Variants in TBC1D1 observed in about 807,000 individuals in gnomAD.
TBC1D1 encodes TBC1 (tre-2/USP6, BUB2, cdc16) domain family, member 1.
In TBC1D1, 89 loss-of-function variants were observed where a neutral mutation model predicts 125.6. The ratio of observed to expected loss-of-function variants is 0.71; its 90% CI spans 0.60 to 0.85. The LOEUF is 0.85. Ranked by LOEUF, TBC1D1 falls within the 40% of genes least tolerant of loss-of-function variation. The probability of loss-of-function intolerance (pLI) is 0.00; values close to 1 mark genes in which losing one functional copy is unlikely to be tolerated. For synonymous variants in TBC1D1, 565 were observed against 564.1 expected (o/e 1.00, Z -0.02); for missense variants, 1,377 against 1,469.2 (o/e 0.94, Z 1.03).
chr4:38,109,189 C>T (rs999061350), intron 15 of TBC1D1, among the ~76,000 whole-genome samples: 1 of 152,174 alleles, frequency 6.6e-6, no homozygotes, highest in African/African-American at 2.4e-5. Flanking sequence ...CAGTTGGGGA[C>T]GTTGCTGTAT....
chr4:38,133,070 T>C lies in TBC1D1; in HGVS notation c.3133-14T>C. The C allele has an allele frequency of 6.2e-7, 1 of 1,602,388 alleles. No homozygotes were observed. Among genetic ancestry groups the C allele is most frequent in the South Asian group, 1.1e-5 (1 of 89,058 alleles). On this transcript the variant is annotated splice_polypyrimidine_tract_variant and intron_variant, in intron 18 of 19. Coordinates refer to ENST00000261439, the MANE Select transcript of TBC1D1 (RefSeq NM_015173.4). ...CTCAGTTTTAGTACGTGATGACTTT[T>C]CTTTCTATAACAGGTATTTGAAATG...
At chr4:37,942,693 C>G (rs1238136668) in intron 2 of TBC1D1, among the ~76,000 whole-genome samples, 1 of 152,098 alleles carries the variant, frequency 6.6e-6, no homozygotes, top group Non-Finnish European at 1.5e-5. Context: ...TGCCCACCAC[C>G]ACGCCTGGCT....
intron 2 of TBC1D1, among the ~76,000 whole-genome samples, chr4:37,956,943 G>GA (rs33943418): frequency 0.012 from 1,689 of 140,180 alleles, 21 homozygotes; most frequent in Non-Finnish European, 0.018. Context: ...CGTCTCAAAA[G>GA]AAAAAAAAAA....
At chr4:38,053,665 A>T (rs1479627630) in intron 11 of TBC1D1, among the ~76,000 whole-genome samples, 1 of 152,228 alleles carries the variant, frequency 6.6e-6, no homozygotes. Flanking sequence ...TATATTGATA[A>T]CTGTATTTTG....
intron 2 of TBC1D1, among the ~76,000 whole-genome samples, chr4:37,941,711 C>T (rs1017736850): frequency 2.6e-5 from 4 of 152,084 alleles, no homozygotes; most frequent in Non-Finnish European, 5.9e-5. Flanking sequence ...CCCAGAGATT[C>T]TGGTATGTTG....
intron 2 of TBC1D1, among the ~76,000 whole-genome samples, chr4:37,926,607 A>T (rs879940728): frequency 2.6e-5 from 4 of 152,142 alleles, no homozygotes; most frequent in Admixed American, 6.5e-5. Flanking sequence ...CTTCTAGGTG[A>T]GCCCTGGTGA....
chr4:38,074,610 C>T (rs1755248935), intron 12 of TBC1D1, among the ~76,000 whole-genome samples: 1 of 152,168 alleles, frequency 6.6e-6, no homozygotes, highest in Non-Finnish European at 1.5e-5. Context: ...ATCAAAGCAG[C>T]CGACTTCTCC....
intron 2 of TBC1D1, among the ~76,000 whole-genome samples, chr4:37,955,551 T>C (rs1342132335): frequency 2.0e-5 from 3 of 152,202 alleles, no homozygotes; most frequent in Non-Finnish European, 4.4e-5. Context: ...GGAATAGTTA[T>C]AAGAAAAAAT....
At chr4:38,057,126 C>T (rs1751864605) in intron 12 of TBC1D1, among the ~76,000 whole-genome samples, 1 of 152,248 alleles carries the variant, frequency 6.6e-6, no homozygotes, top group East Asian at 1.9e-4. Flanking sequence ...CACCCAATCT[C>T]CTGCAGGAAG....
At chr4:37,933,448 AC>A (rs1560496411) in intron 2 of TBC1D1, among the ~76,000 whole-genome samples, 6 of 151,442 alleles carry the variant, frequency 4.0e-5, no homozygotes, top group African/African-American at 1.5e-4. Context: ...ACACACACAC[AC>A]ACACACACAC....
intron 12 of TBC1D1, among the ~76,000 whole-genome samples, chr4:38,078,538 A>G (rs1207104478): frequency 2.0e-5 from 3 of 152,210 alleles, no homozygotes; most frequent in Non-Finnish European, 4.4e-5. Context: ...GATTAAGTTT[A>G]GATGAGATTG....
At chr4:38,066,986 C>T (rs2152504739) in intron 12 of TBC1D1, among the ~76,000 whole-genome samples, 1 of 152,220 alleles carries the variant, frequency 6.6e-6, no homozygotes, top group South Asian at 2.1e-4. Context: ...AAGCGATTCT[C>T]CTGCCTCAGC....
At chr4:38,009,248 T>A (rs937474904) in intron 2 of TBC1D1, among the ~76,000 whole-genome samples, 2 of 152,186 alleles carry the variant, frequency 1.3e-5, no homozygotes, top group Admixed American at 1.3e-4. Flanking sequence ...GAAGTGCTCA[T>A]TTGAACTCCT....
In TBC1D1 at chr4:37,977,494, C is replaced by T. The variant is rs1733407814; in HGVS notation, c.418-37015C>T. The T allele has an allele frequency of 4.0e-6, 4 of 990,688 alleles. No homozygotes were observed. In the South Asian group the frequency reaches 1.4e-4, roughly 34 times the overall value. 61.4% of individuals were successfully genotyped at this position (990,688 alleles called of 1,614,324 possible). A position where few individuals can be genotyped will look rare whatever the true frequency, so the allele number is the denominator to read the frequency against. On this transcript the variant is annotated intron_variant, in intron 2 of 19. Coordinates refer to ENST00000261439, the MANE Select transcript of TBC1D1 (RefSeq NM_015173.4). This position sits in a 1 kb window ranked among gnomAD's most constrained non-coding sequence, Gnocchi z 4.3. ...CGGCGGGCGAAGAGCCGCCGCCCGG[C>T]CCGCGATGTCACCATTGTTCAGCTG...
chr4:37,971,866 G>T (rs1377711289), intron 2 of TBC1D1, among the ~76,000 whole-genome samples: 1 of 152,164 alleles, frequency 6.6e-6, no homozygotes, highest in Non-Finnish European at 1.5e-5. Flanking sequence ...GACTTGGCTA[G>T]GTGGAGTGTT....
At chr4:38,104,762 AT>A (rs1230416700) in intron 15 of TBC1D1, among the ~76,000 whole-genome samples, 1 of 140,692 alleles carries the variant, frequency 7.1e-6, no homozygotes. Context: ...TTTTTTTTTA[AT>A]TTTTTTTTTT....
chr4:38,020,293 C>G (rs1743724934), intron 4 of TBC1D1, among the ~76,000 whole-genome samples: 1 of 152,040 alleles, frequency 6.6e-6, no homozygotes, highest in Non-Finnish European at 1.5e-5. Flanking sequence ...TCGAGACCAA[C>G]ATGGTGAAAC....
intron 2 of TBC1D1, among the ~76,000 whole-genome samples, chr4:37,997,402 T>G (rs1209677359): frequency 6.6e-6 from 1 of 152,188 alleles, no homozygotes; most frequent in Admixed American, 6.5e-5. Context: ...CGTGAAGCAT[T>G]TGGGGGCACT....
Position 38,015,111 on chromosome 4 carries a change from C to T in TBC1D1, c.882+138C>T, listed in dbSNP as rs1035284111. 11 of 762,832 alleles carry T rather than the reference C, an allele frequency of 1.4e-5. No individual in the cohort carries two copies. The South Asian group carries it at 2.2e-4, about 15-fold the overall frequency. 47.3% of individuals were successfully genotyped at this position (762,832 alleles called of 1,614,324 possible). ...CCATATATTTTCATGCTGAACAATT[C>T]TATTCTTAGGATAAGCTCCTTCCTT... On this transcript the variant is annotated intron_variant, in intron 3 of 19. Coordinates refer to ENST00000261439, the MANE Select transcript of TBC1D1 (RefSeq NM_015173.4).
Sources: allele counts gnomAD v4.1 joint callset (sites outside exome capture counted in the v4.1 genomes callset), GRCh38; gene constraint gnomAD v4.1.1; non-coding constraint Gnocchi (gnomAD v3.1); transcripts MANE v1.5; gene names NCBI Gene and HGNC (gene_info 2026-07-23, HGNC 2026-07-21).